MYO9A: variants seen among roughly 807,000 people sequenced by gnomAD.
MYO9A encodes the protein unconventional myosin-IXa.
MYO9A carries 103 observed loss-of-function variants against 293.3 expected under a neutral mutation model. The observed-to-expected ratio is 0.35, with a 90% CI of 0.30 to 0.41. MYO9A has a LOEUF of 0.41. MYO9A is among the 10% of genes least tolerant of loss of function. The pLI is 1.00. For missense variants in MYO9A, 2,685 were observed against 3,033.0 expected (o/e 0.89, Z 2.69); for synonymous variants, 1,001 against 1,035.7 (o/e 0.97, Z 0.64).
At chr15:71,955,358 A>C (rs2059154014) in intron 14 of MYO9A, among the ~76,000 whole-genome samples, 2 of 152,030 alleles carry the variant, frequency 1.3e-5, no homozygotes, top group Non-Finnish European at 2.9e-5. Flanking sequence ...TGAACTCCTG[A>C]CCTCAGGTGA....
rs1324759771 is a variant in MYO9A at position 72,109,072 on chromosome 15, T to A, written c.-72+8608A>T. ...GTCACGGCACCCAGCCGCAACTTACTTTCAAAAGGTTCTGCAAAAATATAT... is the reference window on the plus strand; with the variant it reads ...GTCACGGCACCCAGCCGCAACTTACATTCAAAAGGTTCTGCAAAAATATAT... On this transcript the variant is annotated intron_variant, in intron 1 of 41. Coordinates refer to ENST00000356056, the MANE Select transcript of MYO9A (RefSeq NM_006901.4). Among the ~76,000 whole-genome samples, 4 of 152,114 alleles carry A rather than the reference T, an allele frequency of 2.6e-5. No individual in the cohort carries two copies. In the East Asian group the frequency reaches 7.7e-4, roughly 29 times the overall value.
intron 1 of MYO9A, among the ~76,000 whole-genome samples, chr15:72,091,291 C>T (rs1464654265): frequency 6.6e-6 from 1 of 151,924 alleles, no homozygotes; most frequent in African/African-American, 2.4e-5. Context: ...ACAAAATTCA[C>T]CATTTCTTTT....
chr15:72,010,553 G>A (rs2957742), intron 6 of MYO9A, 106 bp from the exon 7 acceptor site: 2 of 914,674 alleles, frequency 2.2e-6, no homozygotes, highest in South Asian at 1.7e-5. Flanking sequence ...ATGTATAAAT[G>A]CAAATTAGAG....
In MYO9A at chr15:72,082,166, T is replaced by G. The variant is rs2079566382; in HGVS notation, c.-72+35514A>C. Reference sequence around the variant, plus strand: ...ACTGATTCTTCCTATGAATGTGGAATGTTTTTCTATTAGTTTGTGTCATCT... The same window carrying G: ...ACTGATTCTTCCTATGAATGTGGAAGGTTTTTCTATTAGTTTGTGTCATCT... On this transcript the variant is annotated intron_variant, in intron 1 of 41. Transcript: ENST00000356056. 2.0e-5 allele frequency among the ~76,000 whole-genome samples: 3 copies of G among 152,182 alleles called. 1 individual carries two copies. The highest frequency in any genetic ancestry group is 4.1e-4 in the South Asian group (2 of 4,830).
chr15:72,116,233 GTC>G (rs1246026188), intron 1 of MYO9A, among the ~76,000 whole-genome samples: 4 of 152,084 alleles, frequency 2.6e-5, no homozygotes, highest in African/African-American at 9.7e-5. Context: ...TGGCTTTTAC[GTC>G]TAGTTATTAT....
intron 31 of MYO9A, among the ~76,000 whole-genome samples, chr15:71,876,954 C>T (rs1325970590): frequency 6.6e-6 from 1 of 152,100 alleles, no homozygotes; most frequent in Non-Finnish European, 1.5e-5. Flanking sequence ...GCATAAAGAC[C>T]TTAACCTAGA....
At chr15:72,080,589 A>C (rs561046956) in intron 1 of MYO9A, among the ~76,000 whole-genome samples, 1 of 151,992 alleles carries the variant, frequency 6.6e-6, no homozygotes, top group South Asian at 2.1e-4. Context: ...TGAGGTCTAA[A>C]TTGTGAAATT....
At chr15:71,847,823 C>T (rs2055457062) in intron 39 of MYO9A, among the ~76,000 whole-genome samples, 2 of 152,170 alleles carry the variant, frequency 1.3e-5, no homozygotes, top group African/African-American at 2.4e-5. Context: ...CTGCAAAAAG[C>T]CCATGCTTAT....
chr15:72,074,950 C>CTT (rs1567012010), intron 1 of MYO9A, among the ~76,000 whole-genome samples: 1 of 71,660 alleles, frequency 1.4e-5, no homozygotes, highest in African/African-American at 5.0e-5. Context: ...ATTTTCACTG[C>CTT]CTTTTTTTTT....
chr15:71,907,827 G>A (rs1181266613), intron 19 of MYO9A, among the ~76,000 whole-genome samples: 2 of 152,138 alleles, frequency 1.3e-5, no homozygotes, highest in African/African-American at 4.8e-5. Context: ...TGAGTTCATT[G>A]TAGATTCTGG....
At chr15:72,049,729 A>C (rs2078497328) in intron 1 of MYO9A, among the ~76,000 whole-genome samples, 1 of 152,256 alleles carries the variant, frequency 6.6e-6, no homozygotes, top group Non-Finnish European at 1.5e-5. Flanking sequence ...CCTTATGAGA[A>C]TCTAACTAAT....
rs749879659 is a variant in MYO9A at position 71,893,657 on chromosome 15, TA to T, written c.5142+21del. 2.5e-6 allele frequency: 4 copies of T among 1,576,326 alleles called. No individual in the cohort carries two copies. The Admixed American group carries it at 5.0e-5, about 20-fold the overall frequency. ...ACATCTCTTTTGTATAGAAGATAGA[TA>T]AACAAAAACTCAAAACTTACCTCTC... On this transcript the variant is annotated intron_variant, in intron 26 of 41. Coordinates refer to ENST00000356056, the MANE Select transcript of MYO9A (RefSeq NM_006901.4).
intron 2 of MYO9A, among the ~76,000 whole-genome samples, chr15:72,042,569 G>C (rs960537637): frequency 1.3e-5 from 2 of 151,488 alleles, no homozygotes; most frequent in Non-Finnish European, 2.9e-5. Flanking sequence ...AATGGCTAAA[G>C]ACTAAATGTT....
chr15:72,028,953 G>A (rs1596415607), intron 3 of MYO9A, among the ~76,000 whole-genome samples: 1 of 152,214 alleles, frequency 6.6e-6, no homozygotes, highest in East Asian at 1.9e-4. Flanking sequence ...AGAGAAAGGA[G>A]ATAATCTAGC....
Position 71,898,717 on chromosome 15 carries a change from G to C in MYO9A, c.3786C>G (p.Leu1262=). ...VRERPRSLED[L]HQKKVGRAKR... ...TAGCCCGGCCTACTTTTTTCTGATG[G>C]AGATCCTCCAAGGATCTGGGTCTCT... Residue 1262 remains leucine (L), a synonymous_variant, in exon 25 of 42, where the codon CTC becomes CTG. Transcript: ENST00000356056. 1 of 1,613,786 alleles carries C rather than the reference G, an allele frequency of 6.2e-7. No homozygotes were observed. Among genetic ancestry groups the C allele is most frequent in the Non-Finnish European group, 8.5e-7 (1 of 1,179,934 alleles).
intron 2 of MYO9A, among the ~76,000 whole-genome samples, chr15:72,033,493 A>G (rs2149447686): frequency 6.6e-6 from 1 of 152,344 alleles, no homozygotes. Context: ...CAGGAATAAA[A>G]ATAAACTAAT....
chr15:72,109,266 T>C (rs2080689716), intron 1 of MYO9A, among the ~76,000 whole-genome samples: 1 of 151,676 alleles, frequency 6.6e-6, no homozygotes, highest in Admixed American at 6.6e-5. Flanking sequence ...GGCGGGTGCC[T>C]GTAGTCCCAG....
chr15:72,053,825 T>A (rs1029389187), intron 1 of MYO9A, among the ~76,000 whole-genome samples: 6 of 152,162 alleles, frequency 3.9e-5, no homozygotes, highest in Non-Finnish European at 5.9e-5. Context: ...TAATTATGTA[T>A]AACTTTTCAA....
intron 15 of MYO9A, among the ~76,000 whole-genome samples, chr15:71,945,226 T>C (rs185141101): frequency 7.2e-5 from 11 of 152,262 alleles, no homozygotes; most frequent in Admixed American, 1.3e-4. Context: ...CATCTCAACA[T>C]TGGAATGAAG....
Sources: allele counts gnomAD v4.1 joint callset (sites outside exome capture counted in the v4.1 genomes callset), GRCh38; gene constraint gnomAD v4.1.1; transcripts MANE v1.5; gene names NCBI Gene and HGNC (gene_info 2026-07-23, HGNC 2026-07-21).